Variants in PM20D2 observed in about 807,000 individuals in gnomAD.
PM20D2 encodes xaa-Arg dipeptidase.
A neutral mutation model predicts 42.9 loss-of-function variants in PM20D2; 33 were observed. That is an observed-to-expected ratio of 0.77 (90% CI 0.58 to 1.03). PM20D2 has a LOEUF of 1.03. Among genes scored for constraint, PM20D2 ranks in the 50% least tolerant of loss-of-function variants. The pLI is 0.00. For missense variants in PM20D2, 548 were observed against 557.0 expected, an observed-to-expected ratio of 0.98 and a Z score of 0.16; for synonymous variants, 250 against 228.2, an observed-to-expected ratio of 1.10 and a Z score of -0.86.
At chr6:89,120,619 T>C in the PM20D2 span, among the ~76,000 whole-genome samples, 1 of 152,036 alleles carries the variant, frequency 6.6e-6, no homozygotes, top group Admixed American at 6.6e-5. Flanking sequence ...ATCCTGGTGC[T>C]GTGGGAGGCC....
the PM20D2 span, among the ~76,000 whole-genome samples, chr6:89,117,249 T>C: frequency 6.6e-6 from 1 of 152,130 alleles, no homozygotes; most frequent in Admixed American, 6.5e-5. Context: ...TCTCATTCAT[T>C]GAAGTTATTT....
the PM20D2 span, among the ~76,000 whole-genome samples, chr6:89,137,884 G>GT: frequency 6.6e-6 from 1 of 151,730 alleles, no homozygotes. Context: ...CTCTTCTAAT[G>GT]GTAAATATAA....
intron 3 of PM20D2, 59 bp from the exon 4 acceptor site, chr6:89,154,689 A>G: frequency 4.6e-6 from 6 of 1,296,670 alleles, no homozygotes; most frequent in Non-Finnish European, 6.2e-6. Flanking sequence ...TAATGGGTGT[A>G]TTTAAGCTTA....
In PM20D2 at chr6:89,152,129, A is replaced by G. The variant is rs144453326; in HGVS notation, c.615-914A>G. 6.7e-3 allele frequency among the ~76,000 whole-genome samples: 1,017 copies of G among 152,180 alleles called. 19 individuals carry two copies. The highest frequency in any genetic ancestry group is 0.049 in the East Asian group (255 of 5,176). ...AAATTCATTTCAAGGTCATGGTGAT[A>G]AGATATATATCAAGGAAATAACAAT... On this transcript the variant is annotated intron_variant, in intron 2 of 6. Transcript: ENST00000275072.
At chr6:89,105,576 C>G in the PM20D2 span, 1 of 1,361,210 alleles carries the variant, frequency 7.3e-7, no homozygotes, top group African/African-American at 1.5e-5. Context: ...ATCAAGTAAA[C>G]ATATTTTAAA....
chr6:89,138,478 A>AT, the PM20D2 span, among the ~76,000 whole-genome samples: 1 of 152,086 alleles, frequency 6.6e-6, no homozygotes, highest in South Asian at 2.1e-4. Flanking sequence ...GTTTTTGGAA[A>AT]TTTTCCAGGT....
chr6:89,118,099 C>A, the PM20D2 span: 1 of 159,250 alleles, frequency 6.3e-6, no homozygotes, highest in African/African-American at 2.4e-5. Context: ...GCGGGGGCGG[C>A]GCCGGCGCGG....
the PM20D2 span, chr6:89,106,738 C>CTT: frequency 1.5e-5 from 5 of 327,756 alleles, no homozygotes; most frequent in African/African-American, 1.1e-4. Context: ...GCAAGATGGA[C>CTT]TTTATAAGAG....
At chr6:89,109,129 T>G in the PM20D2 span, among the ~76,000 whole-genome samples, 112,196 of 152,050 alleles carry the variant, frequency 0.74, 41,479 homozygotes, top group East Asian at 0.84. Flanking sequence ...GGCATAAAGA[T>G]TCTCAACCTC....
At chr6:89,106,846 C>T in the PM20D2 span, 118 of 388,550 alleles carry the variant, frequency 3.0e-4, no homozygotes, top group Middle Eastern at 1.1e-3. Flanking sequence ...TTGTCTTTTG[C>T]TTGATAAAGA....
At chr6:89,131,610 G>A in the PM20D2 span, among the ~76,000 whole-genome samples, 1 of 152,158 alleles carries the variant, frequency 6.6e-6, no homozygotes, top group Non-Finnish European at 1.5e-5. Flanking sequence ...GCTAATGTGG[G>A]ATGGTTGCAG....
chr6:89,155,258 CTTTTTTTTT>C (rs34776724), intron 4 of PM20D2, among the ~76,000 whole-genome samples: 1 of 58,924 alleles, frequency 1.7e-5, no homozygotes, highest in African/African-American at 6.6e-5. Context: ...TCAGCAAAAG[CTTTTTTTTT>C]TTTTTTTTTT....
the PM20D2 span, chr6:89,096,034 A>G: frequency 6.6e-6 from 1 of 152,248 alleles, no homozygotes; most frequent in African/African-American, 2.4e-5. Flanking sequence ...CTATGACAAA[A>G]GTGAACCCTG....
the PM20D2 span, among the ~76,000 whole-genome samples, chr6:89,101,599 G>A: frequency 3.3e-5 from 5 of 152,216 alleles, no homozygotes; most frequent in East Asian, 1.9e-4. Context: ...GCGGGAGGCT[G>A]AGGCAGGAGA....
chr6:89,136,534 C>A, the PM20D2 span, among the ~76,000 whole-genome samples: 2,410 of 150,450 alleles, frequency 0.016, 186 homozygotes, highest in African/African-American at 0.055. Flanking sequence ...AAAAATCAGC[C>A]GGGCGTGGTG....
the PM20D2 span, among the ~76,000 whole-genome samples, chr6:89,115,631 C>CTTTTTTTTTTTTT: frequency 7.8e-6 from 1 of 129,006 alleles, no homozygotes; most frequent in Non-Finnish European, 1.6e-5. Context: ...TTTTTTCTTT[C>CTTTTTTTTTTTTT]TTTTTTTTTT....
intron 3 of PM20D2, 65 bp from the exon 4 acceptor site, chr6:89,154,683 G>A (rs1242180669): frequency 8.6e-7 from 1 of 1,167,138 alleles, no homozygotes; most frequent in African/African-American, 1.6e-5. Context: ...AAAACTTAAT[G>A]GGTGTATTTA....
At chr6:89,112,085 G>T in the PM20D2 span, among the ~76,000 whole-genome samples, 12 of 150,788 alleles carry the variant, frequency 8.0e-5, no homozygotes, top group Non-Finnish European at 1.5e-5. Context: ...TCGGCTCACT[G>T]CAACCTCCTC....
At chr6:89,097,289 T>C in the PM20D2 span, 4 of 152,134 alleles carry the variant, frequency 2.6e-5, no homozygotes, top group Admixed American at 2.6e-4. Context: ...GCTCTATAAA[T>C]ATATCCCCTA....
Sources: gnomAD v4.1 joint callset for allele counts (sites outside exome capture counted in the v4.1 genomes callset) on GRCh38, gnomAD v4.1.1 for gene constraint, MANE v1.5 for transcripts, NCBI Gene and HGNC (gene_info 2026-07-23, HGNC 2026-07-21) for gene names.